The following PRKCB variants were observed in gnomAD, a reference collection of about 807,000 sequenced individuals.
PRKCB encodes the protein protein kinase C beta.
A neutral mutation model predicts 81.5 loss-of-function variants in PRKCB; 13 were observed. That is an observed-to-expected ratio of 0.16 (90% CI 0.10 to 0.25). The LOEUF (loss-of-function observed/expected upper bound fraction) is 0.25. Ranked by LOEUF, PRKCB falls within the 10% of genes least tolerant of loss-of-function variation. The probability of loss-of-function intolerance (pLI) is 1.00; values close to 1 mark genes in which losing one functional copy is unlikely to be tolerated. For missense variants in PRKCB, 509 were observed against 875.7 expected (o/e 0.58, Z 5.29); for synonymous variants, 335 against 321.4 (o/e 1.04, Z -0.45).
At chr16:23,854,610 C>T (rs1002271316) in intron 2 of PRKCB, among the ~76,000 whole-genome samples, 1 of 152,188 alleles carries the variant, frequency 6.6e-6, no homozygotes, top group Non-Finnish European at 1.5e-5. Flanking sequence ...GCAAGGGCTG[C>T]AGGGCTTCTT....
chr16:24,130,117 C>A (rs1245439755), intron 9 of PRKCB, among the ~76,000 whole-genome samples: 1 of 152,142 alleles, frequency 6.6e-6, no homozygotes, highest in Non-Finnish European at 1.5e-5. Flanking sequence ...AGCATGTATA[C>A]CATTTAACCA....
chr16:23,875,382 T>C (rs1962977752), intron 2 of PRKCB, among the ~76,000 whole-genome samples: 1 of 151,818 alleles, frequency 6.6e-6, no homozygotes, highest in Non-Finnish European at 1.5e-5. Flanking sequence ...GAGACAAGAC[T>C]GAGGAGGAAG....
At chr16:24,001,740 G>C (rs1160994814) in intron 3 of PRKCB, among the ~76,000 whole-genome samples, 1 of 152,094 alleles carries the variant, frequency 6.6e-6, no homozygotes, top group Non-Finnish European at 1.5e-5. Flanking sequence ...AAGAATTTCT[G>C]TTCATTTAAA....
At chr16:24,194,933 G>A (rs1967856639) in intron 16 of PRKCB, among the ~76,000 whole-genome samples, 1 of 152,228 alleles carries the variant, frequency 6.6e-6, no homozygotes, top group Non-Finnish European at 1.5e-5. Flanking sequence ...TCCAGGTACA[G>A]TGGCTCATGC....
intron 7 of PRKCB, among the ~76,000 whole-genome samples, chr16:24,095,403 T>G (rs1966427385): frequency 1.3e-5 from 2 of 152,046 alleles, no homozygotes. Flanking sequence ...CCTCGTGCAC[T>G]GAGTCCACTT....
At chr16:23,959,463 A>G (rs1181861996) in intron 2 of PRKCB, among the ~76,000 whole-genome samples, 1 of 152,214 alleles carries the variant, frequency 6.6e-6, no homozygotes, top group East Asian at 1.9e-4. Context: ...GGGTGAATGT[A>G]CGGTTGCTGC....
At chr16:24,036,928 G>T (rs998716714) in intron 5 of PRKCB, among the ~76,000 whole-genome samples, 23 of 152,180 alleles carry the variant, frequency 1.5e-4, no homozygotes, top group Non-Finnish European at 2.5e-4. Context: ...TGGGCCGCAT[G>T]GGATGTGCAG....
intron 2 of PRKCB, among the ~76,000 whole-genome samples, chr16:23,925,976 C>G (rs1301654407): frequency 6.6e-6 from 1 of 151,362 alleles, no homozygotes; most frequent in African/African-American, 2.4e-5. Context: ...CCTGTTGCTG[C>G]AAAAGACATG....
chr16:23,928,359 C>T (rs1272658786), intron 2 of PRKCB, among the ~76,000 whole-genome samples: 1 of 152,050 alleles, frequency 6.6e-6, no homozygotes, highest in Non-Finnish European at 1.5e-5. Flanking sequence ...AACTCCTGAC[C>T]TCAGGTGATC....
At chr16:24,110,212 G>T (rs1966657637) in intron 7 of PRKCB, among the ~76,000 whole-genome samples, 1 of 150,068 alleles carries the variant, frequency 6.7e-6, no homozygotes, top group Non-Finnish European at 1.5e-5. Flanking sequence ...AATCTTTTAA[G>T]TCTATTTTTT....
chr16:24,066,925 T>C (rs1197192402), intron 5 of PRKCB, among the ~76,000 whole-genome samples: 1 of 151,984 alleles, frequency 6.6e-6, no homozygotes. Context: ...TCATCACTCA[T>C]TGCAGCCTTG....
chr16:23,873,219 A>T (rs907237223), intron 2 of PRKCB, among the ~76,000 whole-genome samples: 1 of 150,388 alleles, frequency 6.6e-6, no homozygotes, highest in African/African-American at 2.4e-5. Context: ...AGAAAAAAAA[A>T]GTTAGCTGAG....
chr16:23,999,425 A>G (rs935559147), intron 3 of PRKCB, among the ~76,000 whole-genome samples: 3 of 152,360 alleles, frequency 2.0e-5, no homozygotes, highest in South Asian at 4.1e-4. Flanking sequence ...TTCACATCAT[A>G]TCACATTGAG....
chr16:24,037,671 A>G (rs1405008304), intron 5 of PRKCB, among the ~76,000 whole-genome samples: 1 of 152,016 alleles, frequency 6.6e-6, no homozygotes, highest in East Asian at 1.9e-4. Flanking sequence ...CTTTGTTCTG[A>G]TGTGGTACAG....
At chr16:23,848,924 C>G (rs184269179) in intron 2 of PRKCB, among the ~76,000 whole-genome samples, 1 of 152,156 alleles carries the variant, frequency 6.6e-6, no homozygotes, top group African/African-American at 2.4e-5. Flanking sequence ...AGTTTATAAT[C>G]CTGTTGGGGA....
At chr16:24,043,406 T>C (rs1295017947) in intron 5 of PRKCB, among the ~76,000 whole-genome samples, 2 of 152,236 alleles carry the variant, frequency 1.3e-5, no homozygotes, top group Non-Finnish European at 2.9e-5. Context: ...TCAATACACC[T>C]GCTTTATTTT....
At chr16:23,886,655 G>A (rs1567302777) in intron 2 of PRKCB, among the ~76,000 whole-genome samples, 2 of 151,820 alleles carry the variant, frequency 1.3e-5, no homozygotes, top group Non-Finnish European at 1.5e-5. Context: ...TCAAGTGATC[G>A]GCCTGCCTTG....
chr16:24,194,268 G>A (rs1967845181), intron 16 of PRKCB, among the ~76,000 whole-genome samples: 1 of 152,152 alleles, frequency 6.6e-6, no homozygotes, highest in African/African-American at 2.4e-5. Context: ...AGAGGTTGCA[G>A]TGAGCTGAGA....
chr16:23,847,539 T>C (rs1962399769), intron 2 of PRKCB, among the ~76,000 whole-genome samples: 1 of 137,814 alleles, frequency 7.3e-6, no homozygotes, highest in East Asian at 2.7e-4. Flanking sequence ...TATTCTTCCA[T>C]TCATCCATCC....
Sources: allele counts gnomAD v4.1 joint callset (sites outside exome capture counted in the v4.1 genomes callset), GRCh38; gene constraint gnomAD v4.1.1; transcripts MANE v1.5; gene names NCBI Gene and HGNC (gene_info 2026-07-23, HGNC 2026-07-21).